Variants in BPI observed in about 807,000 individuals in gnomAD.
BPI encodes the protein bactericidal permeability increasing protein, also known as bactericidal permeability-increasing protein.
Under a neutral mutation model 57.6 loss-of-function variants are expected in BPI, and 48 were observed. The ratio of observed to expected loss-of-function variants is 0.83; its 90% CI spans 0.66 to 1.06. The LOEUF (loss-of-function observed/expected upper bound fraction) is 1.06. Among genes scored for constraint, BPI ranks in the 50% least tolerant of loss-of-function variants. The pLI is 0.00. For synonymous variants in BPI, 237 were observed against 238.2 expected, an observed-to-expected ratio of 0.99 and a Z score of 0.05; for missense variants, 651 against 609.7, an observed-to-expected ratio of 1.07 and a Z score of -0.71.
intron 5 of BPI, among the ~76,000 whole-genome samples, chr20:38,312,863 C>A (rs1300077188): frequency 1.3e-5 from 2 of 152,210 alleles, no homozygotes; most frequent in Non-Finnish European, 2.9e-5. Flanking sequence ...TGTCAAAATG[C>A]ATAACACAGT....
chr20:38,317,873 G>C, intron 5 of BPI: 1 of 1,469,156 alleles, frequency 6.8e-7, no homozygotes, highest in Non-Finnish European at 9.0e-7. Flanking sequence ...GTGAGTCATG[G>C]GCTAGGGGAC....
intron 5 of BPI, chr20:38,317,954 G>A: frequency 1.0e-6 from 1 of 985,198 alleles, no homozygotes. Flanking sequence ...CAAACATGAG[G>A]GTGCCCACCT....
At chr20:38,306,729 T>C (rs527273694) in intron 1 of BPI, among the ~76,000 whole-genome samples, 2 of 152,188 alleles carry the variant, frequency 1.3e-5, no homozygotes, top group Admixed American at 6.5e-5. Flanking sequence ...GGGTGTAGCA[T>C]AGAGCAAATA....
intron 5 of BPI, among the ~76,000 whole-genome samples, chr20:38,316,094 A>G (rs978295801): frequency 6.7e-6 from 1 of 150,324 alleles, no homozygotes; most frequent in African/African-American, 2.5e-5. Flanking sequence ...TCGGCCTCTC[A>G]AAGTACTGGG....
chr20:38,327,269 C>T (rs1459052137), intron 10 of BPI, among the ~76,000 whole-genome samples: 1 of 152,204 alleles, frequency 6.6e-6, no homozygotes. Context: ...CCGGGGACTT[C>T]CTTCTCATAT....
Position 38,337,289 on chromosome 20 carries a change from C to T in BPI, c.*105C>T. The stretch of plus-strand genomic sequence containing the variant: ...ATCCTCTCCAGATCTTAACCAAGAG[C>T]CCCTTGCAAACTTCTTCGACTCAGA... On this transcript the variant is annotated 3_prime_UTR_variant, in exon 15 of 15. Transcript: ENST00000642449. 1 of 993,354 alleles carries T rather than the reference C, an allele frequency of 1.0e-6. No individual in the cohort carries two copies. Among genetic ancestry groups the T allele is most frequent in the Non-Finnish European group, 1.5e-6 (1 of 673,000 alleles). 61.5% of individuals were successfully genotyped at this position (993,354 alleles called of 1,614,324 possible).
intron 7 of BPI, among the ~76,000 whole-genome samples, chr20:38,322,309 T>C (rs959583228): frequency 2.6e-5 from 4 of 151,942 alleles, no homozygotes; most frequent in African/African-American, 9.7e-5. Flanking sequence ...GAAAAAAAAA[T>C]GAATACCCAC....
intron 3 of BPI, among the ~76,000 whole-genome samples, chr20:38,309,786 G>C (rs956477590): frequency 2.6e-5 from 4 of 152,192 alleles, no homozygotes; most frequent in Non-Finnish European, 4.4e-5. Context: ...CTGCCCATTA[G>C]CAATAGTGGT....
At chr20:38,331,235 CG>C (rs1446855751) in intron 12 of BPI, 145 bp downstream of exon 12, 27 of 1,031,312 alleles carry the variant, frequency 2.6e-5, no homozygotes, top group Non-Finnish European at 5.7e-6. Flanking sequence ...CAAGGAGCTT[CG>C]TGGGCAGAGG....
rs2076703866 is a variant in BPI, at chr20:38,324,787, C to A, written c.947C>A (p.Ser316Tyr). ...CTCTTGCTACAGATTCCAAAGGAGT[C>A]CAAATTTCGACTGACAACCAAGTTC... ...TLRDDMIPKE[S>Y]KFRLTTKFFG... Residue 316 changes from serine to tyrosine, a missense_variant, in exon 9 of 15, where the codon TCC becomes TAC. Ser to Tyr is a moderately radical substitution (Grantham distance 144). Transcript: ENST00000642449. The A allele has an allele frequency of 1.9e-6, 3 of 1,613,008 alleles. No homozygotes were observed. Among genetic ancestry groups the A allele is most frequent in the African/African-American group, 2.7e-5 (2 of 74,872 alleles).
intron 1 of BPI, among the ~76,000 whole-genome samples, chr20:38,305,929 G>T (rs996776826): frequency 6.6e-6 from 1 of 152,152 alleles, no homozygotes. Context: ...CTCCTTTTCA[G>T]GTAATGTGTC....
rs750585591 is a variant in BPI, at chr20:38,335,608, G to A, written c.1347G>A (p.Gln449=). The A allele has an allele frequency of 8.1e-6, 13 of 1,613,980 alleles. No homozygotes were observed. The African/African-American group carries it at 1.7e-4, about 22-fold the overall frequency. ...CGGTCTCTGTCACAGAGAAACTACA[G>A]AAAGGCTTCCCTCTCCCGACGCCGG... ...LVLPRVNEKL[Q]KGFPLPTPAR... is the part of the protein sequence containing the mutation. Residue 449 remains glutamine, a synonymous_variant, in exon 14 of 15, where the codon CAG becomes CAA. Transcript: ENST00000642449.
rs76208189 is a variant in BPI at position 38,308,874 on chromosome 20, A to G, written c.246-56A>G. 8.8e-4 allele frequency: 1,418 copies of G among 1,605,582 alleles called. 12 individuals are homozygous for G. In the African/African-American group the frequency reaches 0.017, roughly 19 times the overall value. On this transcript the variant is annotated intron_variant, in intron 2 of 14. Transcript: ENST00000642449. ...TGCATTAACCATTAACGAAGTCCTC[A>G]TGTGTGCACCTAGGAGTATATGAAA...
At chr20:38,306,459 C>T (rs369894942) in intron 1 of BPI, among the ~76,000 whole-genome samples, 4 of 152,196 alleles carry the variant, frequency 2.6e-5, no homozygotes, top group African/African-American at 4.8e-5. Context: ...GAGAGACATT[C>T]GTCAGAGTCA....
intron 3 of BPI, among the ~76,000 whole-genome samples, chr20:38,310,094 T>C (rs1474203612): frequency 6.6e-6 from 1 of 152,236 alleles, no homozygotes; most frequent in Non-Finnish European, 1.5e-5. Context: ...ATGGGGGCAT[T>C]AATGAATGAA....
At position 38,324,846 on chromosome 20, in the gene BPI, T is replaced by A. The variant is rs761549805; in HGVS notation, c.993+13T>A. ...CTTCCTACCTGAGGTATGGAAGACC[T>A]TGCTTTCCTTTAGTGAGCCCCGGGG... On this transcript the variant is annotated intron_variant, in intron 9 of 14. Transcript: ENST00000642449. 1.2e-6 allele frequency: 2 copies of A among 1,606,114 alleles called. No individual in the cohort carries two copies. The highest frequency in any genetic ancestry group is 3.3e-5 in the Admixed American group (2 of 60,016).
intron 5 of BPI, among the ~76,000 whole-genome samples, chr20:38,314,499 G>C (rs1038606091): frequency 7.1e-6 from 1 of 139,996 alleles, no homozygotes; most frequent in Admixed American, 7.1e-5. Context: ...GGTGATGGTG[G>C]GGATGATGAT....
intron 9 of BPI, 44 bp downstream of exon 9, chr20:38,324,877 G>T (rs1006469412): frequency 2.7e-6 from 4 of 1,503,410 alleles, no homozygotes; most frequent in Non-Finnish European, 2.8e-6. Context: ...CGGGGGTTCT[G>T]GGAGGACAGG....
chr20:38,307,834 C>T (rs186272222), intron 2 of BPI, among the ~76,000 whole-genome samples, 153 bp downstream of exon 2: 33 of 152,282 alleles, frequency 2.2e-4, no homozygotes, highest in Admixed American at 1.1e-3. Flanking sequence ...GGCAACCTCC[C>T]AGCTGAGCGT....
Sources: allele counts gnomAD v4.1 joint callset (sites outside exome capture counted in the v4.1 genomes callset), GRCh38; gene constraint gnomAD v4.1.1; transcripts MANE v1.5; gene names NCBI Gene and HGNC (gene_info 2026-07-23, HGNC 2026-07-21).